Variants in UHRF2 observed in about 807,000 individuals in gnomAD.
UHRF2 encodes the protein ubiquitin like with PHD and ring finger domains 2.
Under a neutral mutation model 96.8 loss-of-function variants are expected in UHRF2, and 23 were observed. That is an observed-to-expected ratio of 0.24 (90% CI 0.17 to 0.34). The LOEUF (loss-of-function observed/expected upper bound fraction) is 0.34, where lower values mean the gene tolerates loss of function less well. UHRF2 is among the 10% of genes least tolerant of loss of function. The pLI, the probability that UHRF2 is intolerant of heterozygous loss-of-function variation, is 1.00. For missense variants in UHRF2, 685 were observed against 981.5 expected (o/e 0.70, Z 4.04); for synonymous variants, 385 against 332.6 (o/e 1.16, Z -1.72).
intron 5 of UHRF2, among the ~76,000 whole-genome samples, chr9:6,476,752 G>A (rs1324783818): frequency 1.3e-5 from 2 of 151,926 alleles, no homozygotes; most frequent in Non-Finnish European, 2.9e-5. Flanking sequence ...CCACCACCAT[G>A]CCTGGCTAAC....
At chr9:6,430,443 A>G (rs751241985) in intron 2 of UHRF2, among the ~76,000 whole-genome samples, 32 of 152,174 alleles carry the variant, frequency 2.1e-4, no homozygotes, top group Non-Finnish European at 3.4e-4. Context: ...AAATAATTGT[A>G]TATTTTATGA....
At chr9:6,450,247 A>G (rs1821774265) in intron 3 of UHRF2, among the ~76,000 whole-genome samples, 1 of 152,026 alleles carries the variant, frequency 6.6e-6, no homozygotes, top group African/African-American at 2.4e-5. Flanking sequence ...AGGATCAAAA[A>G]CAAACCCCAC....
At chr9:6,433,601 C>G (rs1178505266) in intron 2 of UHRF2, among the ~76,000 whole-genome samples, 1 of 152,136 alleles carries the variant, frequency 6.6e-6, no homozygotes, top group Admixed American at 6.6e-5. Context: ...TACTGGATGA[C>G]TTGCAAGAAT....
intron 4 of UHRF2, chr9:6,468,668 A>G: frequency 2.2e-6 from 1 of 456,098 alleles, no homozygotes; most frequent in Non-Finnish European, 4.4e-6. Flanking sequence ...GCTTTGGTTG[A>G]ATACTGGACT....
chr9:6,460,075 A>G (rs966510254), intron 3 of UHRF2, among the ~76,000 whole-genome samples: 3 of 152,256 alleles, frequency 2.0e-5, no homozygotes, highest in African/African-American at 7.2e-5. Context: ...TGAACGTCTT[A>G]ATAAGACTTT....
chr9:6,431,826 C>T (rs1267088293), intron 2 of UHRF2, among the ~76,000 whole-genome samples: 1 of 152,158 alleles, frequency 6.6e-6, no homozygotes, highest in African/African-American at 2.4e-5. Context: ...GCCTCGTGTT[C>T]CTTAGTAAGG....
chr9:6,494,905 A>T (rs1322736553), intron 10 of UHRF2: 1 of 152,096 alleles, frequency 6.6e-6, no homozygotes, highest in Non-Finnish European at 1.5e-5. Context: ...ATTGTTTCTG[A>T]TAGTAGGATT....
rs181613174 is a variant in UHRF2 at position 6,425,178 on chromosome 9, C to G, written c.384+4036C>G. 2.7e-3 allele frequency among the ~76,000 whole-genome samples: 407 copies of G among 152,228 alleles called. 2 individuals carry two copies. Among genetic ancestry groups the G allele is most frequent in the Non-Finnish European group, 3.3e-3 (224 of 68,014 alleles). ...CTTCACTGCCTTGAGGGCAGAGTAT[C>G]TACAAAAAATTATTTAAAATTACTC... is the stretch of plus-strand genomic sequence containing the variant. On this transcript the variant is annotated intron_variant, in intron 2 of 15. Transcript: ENST00000276893.
At chr9:6,484,785 C>CTTTTTTTTTT (rs34815980) in intron 8 of UHRF2, 25 of 66,306 alleles carry the variant, frequency 3.8e-4, no homozygotes, top group African/African-American at 4.7e-4. Context: ...TCACTTCTTT[C>CTTTTTTTTTT]TTTTTTTTTT....
At position 6,475,377 on chromosome 9, in the gene UHRF2, C is replaced by T; in HGVS notation, c.864-14C>T. On this transcript the variant is annotated splice_polypyrimidine_tract_variant and intron_variant, in intron 4 of 15. Coordinates refer to ENST00000276893, the MANE Select transcript of UHRF2 (RefSeq NM_152896.3). Reference sequence around the variant, plus strand: ...TTGCTGGCAGAAGTTAACCTTTCTTCCTTTTTTAAACAGGGGTTCTGAAGG... The same window carrying T: ...TTGCTGGCAGAAGTTAACCTTTCTTTCTTTTTTAAACAGGGGTTCTGAAGG... 1 of 1,479,734 alleles carries T rather than the reference C, an allele frequency of 6.8e-7. No homozygotes were observed. 91.7% of individuals were successfully genotyped at this position (1,479,734 alleles called of 1,614,324 possible).
chr9:6,500,192 TC>T (rs1816211992), intron 13 of UHRF2, among the ~76,000 whole-genome samples: 1 of 152,146 alleles, frequency 6.6e-6, no homozygotes, highest in African/African-American at 2.4e-5. Context: ...GGTCTTGAAC[TC>T]CTGGGCTGAA....
At chr9:6,462,206 G>C (rs1239242185) in intron 4 of UHRF2, among the ~76,000 whole-genome samples, 1 of 151,942 alleles carries the variant, frequency 6.6e-6, no homozygotes, top group African/African-American at 2.4e-5. Flanking sequence ...ATTATCTGTG[G>C]CTATTTTTGT....
intron 14 of UHRF2, among the ~76,000 whole-genome samples, chr9:6,503,155 C>T (rs746515183): frequency 2.0e-5 from 3 of 151,968 alleles, no homozygotes; most frequent in East Asian, 3.9e-4. Flanking sequence ...CCACCACGCC[C>T]GGCTAATTTC....
Position 6,477,804 on chromosome 9 carries a change from T to G in UHRF2, c.1156T>G (p.Tyr386Asp). The G allele has an allele frequency of 6.3e-7, 1 of 1,595,494 alleles. No homozygotes were observed. The highest frequency in any genetic ancestry group is 8.6e-7 in the Non-Finnish European group (1 of 1,167,280). The stretch of plus-strand genomic sequence containing the variant: ...TTTGGATAAAGTCCCAGAAGAGGAA[T>G]ACTGGTATGATTATCAGGTTTTTGT... ...PPLDKVPEEE[Y>D]WYCPSCKTDS... is the part of the protein sequence containing the mutation. Residue 386 changes from tyrosine (Y) to aspartate (D), a missense_variant, in exon 6 of 16, where the codon TAC becomes GAC. Tyr to Asp is a radical substitution (Grantham distance 160, BLOSUM62 -3). Transcript: ENST00000276893.
chr9:6,440,656 A>C (rs1821109507), intron 3 of UHRF2, among the ~76,000 whole-genome samples: 1 of 152,220 alleles, frequency 6.6e-6, no homozygotes, highest in Non-Finnish European at 1.5e-5. Context: ...AACTTAGGGT[A>C]TCCTGCCAAA....
intron 14 of UHRF2, among the ~76,000 whole-genome samples, chr9:6,502,419 C>T (rs1411866891): frequency 6.6e-6 from 1 of 152,180 alleles, no homozygotes; most frequent in East Asian, 1.9e-4. Flanking sequence ...GAGATCTTCC[C>T]AAACTACCCT....
chr9:6,476,284 G>A (rs944511081), intron 5 of UHRF2, among the ~76,000 whole-genome samples: 12 of 151,978 alleles, frequency 7.9e-5, no homozygotes, highest in Non-Finnish European at 1.3e-4. Flanking sequence ...CTGTTGATGC[G>A]TTTCTTGCTG....
chr9:6,487,496 A>T (rs1446635687), intron 9 of UHRF2, among the ~76,000 whole-genome samples: 1 of 152,140 alleles, frequency 6.6e-6, no homozygotes, highest in East Asian at 1.9e-4. Flanking sequence ...CCTCCTGAGT[A>T]GCTGGGATTA....
intron 14 of UHRF2, among the ~76,000 whole-genome samples, chr9:6,501,452 C>T (rs1342979731): frequency 6.6e-6 from 1 of 152,096 alleles, no homozygotes; most frequent in Non-Finnish European, 1.5e-5. Flanking sequence ...GTCTGTATGT[C>T]TTTTCTATCT....
Sources: gnomAD v4.1 joint callset for allele counts (sites outside exome capture counted in the v4.1 genomes callset) on GRCh38, gnomAD v4.1.1 for gene constraint, MANE v1.5 for transcripts, NCBI Gene and HGNC (gene_info 2026-07-23, HGNC 2026-07-21) for gene names.